The following CASKIN1 variants were observed in gnomAD, a reference collection of about 807,000 sequenced individuals.
The protein encoded by CASKIN1 is caskin-1.
CASKIN1 carries 42 observed loss-of-function variants against 117.5 expected under a neutral mutation model. That is an observed-to-expected ratio of 0.36 (90% CI 0.28 to 0.46). The LOEUF is 0.46. Ranked by LOEUF, CASKIN1 falls within the 20% of genes least tolerant of loss-of-function variation. The pLI is 1.00. For synonymous variants in CASKIN1, 1,148 were observed against 961.7 expected (o/e 1.19, Z -3.59); for missense variants, 2,083 against 2,077.3 (o/e 1.00, Z -0.05).
chr16:2,191,099 T>C (rs1473825377), intron 1 of CASKIN1, among the ~76,000 whole-genome samples: 1 of 152,138 alleles, frequency 6.6e-6, no homozygotes, highest in Non-Finnish European at 1.5e-5. Context: ...GCCCTCCCAG[T>C]GGGCTCTAGT....
Position 2,185,050 on chromosome 16 carries a change from C to A in CASKIN1, c.1240-15G>T. The stretch of plus-strand genomic sequence containing the variant: ...GTTGCCAGGAGCTGCAACCCAGAAA[C>A]CCCGGCTTGTCACCTGCTCCCAGCC... On this transcript the variant is annotated splice_polypyrimidine_tract_variant and intron_variant, in intron 12 of 19. Transcript: ENST00000343516. 6.2e-7 allele frequency: 1 copy of A among 1,607,168 alleles called. No individual in the cohort carries two copies. Among genetic ancestry groups the A allele is most frequent in the Non-Finnish European group, 8.5e-7 (1 of 1,175,804 alleles).
rs186048599 is a variant in CASKIN1 at position 2,196,113 on chromosome 16, T to C, written c.94+226A>G. On this transcript the variant is annotated intron_variant, in intron 1 of 19. Transcript: ENST00000343516. The surrounding 1 kb of genome is among the most constrained non-coding windows in gnomAD (Gnocchi z 5.7). ...GGCCCGGGAGGCGGGTGCCGCCAGG[T>C]GCCCGCTGCGGGGCTCACGGTGGCG... is the stretch of plus-strand genomic sequence containing the variant. Among the ~76,000 whole-genome samples the C allele has an allele frequency of 0.01, 1,520 of 151,590 alleles. 24 individuals carry two copies. The highest frequency in any genetic ancestry group is 0.034 in the African/African-American group (1,426 of 41,340).
At position 2,185,003 on chromosome 16, in the gene CASKIN1, G is replaced by C. The variant is rs776306410; in HGVS notation, c.1272C>G (p.Val424=). ...LLATVLSQKS[V]SESGPGDSPA... is the part of the protein sequence containing the mutation. ...GGCTGTCCCCCGGGCCGGACTCAGA[G>C]ACGGACTTCTGGGAAAGCACCGTTG... The change falls in exon 13 of 20, where the codon GTC becomes GTG. Residue 424 remains valine (V), a synonymous_variant. Coordinates refer to ENST00000343516, the MANE Select transcript of CASKIN1 (RefSeq NM_020764.4). The C allele has an allele frequency of 4.8e-5, 78 of 1,609,404 alleles. No individual in the cohort carries two copies. Among genetic ancestry groups the C allele is most frequent in the Non-Finnish European group, 6.3e-5 (74 of 1,176,952 alleles).
At position 2,183,863 on chromosome 16, in the gene CASKIN1, C is replaced by T. The variant is rs1052491744; in HGVS notation, c.1495G>A (p.Asp499Asn). ...GTCATGCGGCTGATGGTGGGCAGGT[C>T]GTAGCCGGCGCTGATGAAGTTGGGG... is the stretch of plus-strand genomic sequence containing the variant. Reference protein sequence around the residue: ...YAPNFISAGYDLPTISRMTPE... With the variant: ...YAPNFISAGYNLPTISRMTPE... The change falls in exon 15 of 20, where the codon GAC (aspartate) becomes AAC (asparagine). Residue 499 changes from aspartate to asparagine, a missense_variant. Asp to Asn is a conservative substitution (Grantham distance 23). Coordinates refer to ENST00000343516, the MANE Select transcript of CASKIN1 (RefSeq NM_020764.4). The T allele has an allele frequency of 5.0e-6, 8 of 1,612,746 alleles. No homozygotes were observed. The highest frequency in any genetic ancestry group is 6.8e-6 in the Non-Finnish European group (8 of 1,179,780).
Position 2,179,140 on chromosome 16 carries a change from G to A in CASKIN1, c.3961C>T (p.Leu1321=). ...LAKPPGTPPS[L]GASPAKPPSP... is the part of the protein sequence containing the mutation. Reference sequence around the variant, plus strand: ...GGGGGCTTGGCGGGGCTGGCGCCCAGCGAGGGCGGCGTACCGGGCGGCTTG... The same window carrying A: ...GGGGGCTTGGCGGGGCTGGCGCCCAACGAGGGCGGCGTACCGGGCGGCTTG... Residue 1321 remains leucine (L), a synonymous_variant, in exon 19 of 20, where the codon CTG becomes TTG. Coordinates refer to ENST00000343516, the MANE Select transcript of CASKIN1 (RefSeq NM_020764.4). The surrounding 1 kb of genome is among the most constrained non-coding windows in gnomAD (Gnocchi z 5.8). 1 of 1,046,838 alleles carries A rather than the reference G, an allele frequency of 9.6e-7. No homozygotes were observed. Among genetic ancestry groups the A allele is most frequent in the Non-Finnish European group, 1.1e-6 (1 of 870,624 alleles). The allele number at this position is 1,046,838 out of a possible 1,614,324, so 64.8% of individuals were successfully genotyped here.
intron 3 of CASKIN1, 83 bp from the exon 4 acceptor site, chr16:2,189,647 C>T (rs1316537014): frequency 4.1e-6 from 6 of 1,447,860 alleles, no homozygotes; most frequent in South Asian, 4.1e-5. Flanking sequence ...GACCTGACCC[C>T]TGACCCCAAG....
Position 2,183,775 on chromosome 16 carries a change from G to A in CASKIN1, c.1528-28C>T, listed in dbSNP as rs757312680. ...AGGCAGTGGGGAGGCTTGTCAGCTA[G>A]GGGCTGGGCCCATCTGTGGGACGCA... On this transcript the variant is annotated intron_variant, in intron 15 of 19. Coordinates refer to ENST00000343516, the MANE Select transcript of CASKIN1 (RefSeq NM_020764.4). The A allele has an allele frequency of 1.2e-5, 19 of 1,612,528 alleles. No homozygotes were observed. The Admixed American group carries it at 3.2e-4, about 27-fold the overall frequency.
At chr16:2,190,196 G>A (rs2093197495) in intron 2 of CASKIN1, 26 bp from the exon 3 acceptor site, 2 of 1,611,712 alleles carry the variant, frequency 1.2e-6, no homozygotes, top group African/African-American at 1.3e-5. Flanking sequence ...GACACATAGA[G>A]CAGAGGCCCT....
At position 2,185,172 on chromosome 16, in the gene CASKIN1, C is replaced by A; in HGVS notation, c.1178G>T (p.Gly393Val). The A allele has an allele frequency of 6.2e-7, 1 of 1,610,134 alleles. No homozygotes were observed. The highest frequency in any genetic ancestry group is 1.1e-5 in the South Asian group (1 of 90,932). ...AGGDRSGSIS[G>V]MAGGRGSGGH... ...CCCGCTGCCCCGGCCGCCAGCCATG[C>A]CGCTAATGCTGCCGCTTCGGTCCCC... The change falls in exon 12 of 20, where the codon GGC becomes GTC. Residue 393 changes from glycine (G) to valine (V), a missense_variant. Physicochemically the swap from Gly to Val is moderately radical, Grantham distance 109. Around this residue, in one of 3 missense-constraint regions of CASKIN1, gnomAD observed 1,818 missense variants for 1,688.9 expected, o/e 1.08. Coordinates refer to ENST00000343516, the MANE Select transcript of CASKIN1 (RefSeq NM_020764.4).
intron 1 of CASKIN1, among the ~76,000 whole-genome samples, chr16:2,195,634 C>A (rs1483799831): frequency 6.6e-6 from 1 of 152,234 alleles, no homozygotes; most frequent in Admixed American, 6.5e-5. Context: ...GGTGGTCCCC[C>A]ACTCCCTCAT....
Position 2,181,894 on chromosome 16 carries a change from C to T in CASKIN1, c.1665G>A (p.Leu555=), listed in dbSNP as rs756530912. 6.2e-7 allele frequency: 1 copy of T among 1,613,750 alleles called. No homozygotes were observed. Among genetic ancestry groups the T allele is most frequent in the Non-Finnish European group, 8.5e-7 (1 of 1,179,980 alleles). ...CCACCAACACCTTGTAGTACTGGGC[C>T]AGGCCGATCATGGACAGCCACACGG... ...NLAVWLSMIG[L]AQYYKVLVDN... is the part of the protein sequence containing the mutation. Residue 555 remains leucine, a synonymous_variant, in exon 17 of 20, where the codon CTG becomes CTA. Coordinates refer to ENST00000343516, the MANE Select transcript of CASKIN1 (RefSeq NM_020764.4).
rs1383383909 is a variant in CASKIN1, at chr16:2,180,795, G to A, written c.2573C>T (p.Thr858Met). Residue 858 changes from threonine to methionine, a missense_variant, in exon 18 of 20, where the codon ACG becomes ATG. Transcript: ENST00000343516. ...GGGCAGGCACAGTGTGGGCACAGCCGTCGGCACGGGTGGGGGCGCAGGCCC... is the reference window on the plus strand; with the variant it reads ...GGGCAGGCACAGTGTGGGCACAGCCATCGGCACGGGTGGGGGCGCAGGCCC... Reference protein sequence around the residue: ...APGPAPPPVPTAVPTLCLPPE... With the variant: ...APGPAPPPVPMAVPTLCLPPE... The A allele has an allele frequency of 7.1e-6, 10 of 1,403,300 alleles. No individual in the cohort carries two copies. Among genetic ancestry groups the A allele is most frequent in the Middle Eastern group, 2.4e-4 (1 of 4,194 alleles). 86.9% of individuals were successfully genotyped at this position (1,403,300 alleles called of 1,614,324 possible).
chr16:2,186,805 T>C lies in CASKIN1; in HGVS notation c.950A>G (p.Asp317Gly), dbSNP rs755562481. ...DIITVLEQHPDGRWKGCIHDN... is the reference protein window; with the variant it reads ...DIITVLEQHPGGRWKGCIHDN... ...ATGGATGCAGCCCTTCCACCGGCCA[T>C]CCGGATGCTGCTCGAGGACCTGGCC... is the stretch of plus-strand genomic sequence containing the variant. The change falls in exon 10 of 20, where the codon GAT (aspartate) becomes GGT (glycine). Residue 317 changes from aspartate to glycine, a missense_variant. Asp to Gly is a moderately conservative substitution (Grantham distance 94, BLOSUM62 -1). This residue lies in a region of CASKIN1 where 1,818 missense variants were observed against 1,688.9 expected (regional missense o/e 1.08). Coordinates refer to ENST00000343516, the MANE Select transcript of CASKIN1 (RefSeq NM_020764.4). 2 of 1,612,948 alleles carry C rather than the reference T, an allele frequency of 1.2e-6. No individual in the cohort carries two copies. Among genetic ancestry groups the C allele is most frequent in the Admixed American group, 3.3e-5 (2 of 60,018 alleles).
Position 2,181,096 on chromosome 16 carries a change from G to A in CASKIN1, c.2272C>T (p.Pro758Ser). The A allele has an allele frequency of 6.8e-7, 1 of 1,479,474 alleles. No homozygotes were observed. Among genetic ancestry groups the A allele is most frequent in the Non-Finnish European group, 8.9e-7 (1 of 1,122,604 alleles). The allele number at this position is 1,479,474 out of a possible 1,614,324, so 91.6% of individuals were successfully genotyped here. A position where few individuals can be genotyped will look rare whatever the true frequency, so the allele number is the denominator to read the frequency against. The change falls in exon 18 of 20, where the codon CCC becomes TCC. Residue 758 changes from proline (P) to serine (S), a missense_variant. Physicochemically the swap from Pro to Ser is moderately conservative, Grantham distance 74. Around this residue, in one of 3 missense-constraint regions of CASKIN1, gnomAD observed 1,818 missense variants for 1,688.9 expected, o/e 1.08. Coordinates refer to ENST00000343516, the MANE Select transcript of CASKIN1 (RefSeq NM_020764.4). ...GHSIKRASVP[P>S]VPGKPRQVLP... Reference sequence around the variant, plus strand: ...ACCTGCCGTGGCTTGCCAGGCACGGGGGGCACGCTGGCCCTCTTGATGCTG... The same window carrying A: ...ACCTGCCGTGGCTTGCCAGGCACGGAGGGCACGCTGGCCCTCTTGATGCTG...
intron 1 of CASKIN1, among the ~76,000 whole-genome samples, chr16:2,194,466 A>T (rs562376178): frequency 3.0e-4 from 45 of 152,224 alleles, no homozygotes; most frequent in African/African-American, 9.9e-4. Context: ...GGACTGGGCA[A>T]CCAGAGGGGA....
chr16:2,184,752 C>A (rs2093178694), intron 14 of CASKIN1, 25 bp downstream of exon 14: 13 of 1,476,600 alleles, frequency 8.8e-6, no homozygotes, highest in Non-Finnish European at 1.2e-5. Flanking sequence ...GGAGCCCACG[C>A]TGAGAACACC....
chr16:2,184,910 C>G, intron 13 of CASKIN1, 41 bp downstream of exon 13: 1 of 1,580,754 alleles, frequency 6.3e-7, no homozygotes. Flanking sequence ...TGTCGGGCTG[C>G]TTTCCTCCAT....
chr16:2,179,966 C>A lies in CASKIN1; in HGVS notation c.3402G>T (p.Gln1134His), dbSNP rs375004731. 3 of 1,606,668 alleles carry A rather than the reference C, an allele frequency of 1.9e-6. No individual in the cohort carries two copies. The highest frequency in any genetic ancestry group is 1.7e-5 in the Admixed American group (1 of 59,338). Residue 1134 changes from glutamine to histidine, a missense_variant, in exon 18 of 20, where the codon CAG becomes CAT. Physicochemically the swap from Gln to His is conservative, Grantham distance 24. Transcript: ENST00000343516. This position sits in a 1 kb window ranked among gnomAD's most constrained non-coding sequence, Gnocchi z 5.8. ...LKRRIRAKQN[Q>H]QENVKFILTE... Reference sequence around the variant, plus strand: ...TCAGGATGAACTTGACGTTCTCCTGCTGGTTCTGCTTGGCCCGGATGCGCC... The same window carrying A: ...TCAGGATGAACTTGACGTTCTCCTGATGGTTCTGCTTGGCCCGGATGCGCC...
In CASKIN1 at chr16:2,184,782, C is replaced by T. The variant is rs774935979; in HGVS notation, c.1411G>A (p.Gly471Ser). Residue 471 changes from glycine to serine, a missense_variant, in exon 14 of 20, where the codon GGC becomes AGC. By Grantham distance (56) the Gly-to-Ser change is moderately conservative. Coordinates refer to ENST00000343516, the MANE Select transcript of CASKIN1 (RefSeq NM_020764.4). ...AACACCCCCAAGCCCTGTACCTTGCCCTCCGATGCTGGCTCCAGCTTCTTG... is the reference window on the plus strand; with the variant it reads ...AACACCCCCAAGCCCTGTACCTTGCTCTCCGATGCTGGCTCCAGCTTCTTG... ...PPKKLEPASE[G>S]KSSEAVSQWL... 1.7e-5 allele frequency: 26 copies of T among 1,519,154 alleles called. No individual in the cohort carries two copies. The highest frequency in any genetic ancestry group is 2.3e-5 in the Non-Finnish European group (26 of 1,134,136). The allele number at this position is 1,519,154 out of a possible 1,614,324, so 94.1% of individuals were successfully genotyped here.
Sources: allele counts gnomAD v4.1 joint callset (sites outside exome capture counted in the v4.1 genomes callset), GRCh38; gene constraint gnomAD v4.1.1; regional missense constraint gnomAD v4.1.1; non-coding constraint Gnocchi (gnomAD v3.1); transcripts MANE v1.5; gene names NCBI Gene and HGNC (gene_info 2026-07-23, HGNC 2026-07-21).